CADM2: variants seen among roughly 807,000 people sequenced by gnomAD.
CADM2 encodes the protein cell adhesion molecule 2.
A neutral mutation model predicts 49.8 loss-of-function variants in CADM2; 12 were observed. That is an observed-to-expected ratio of 0.24 (90% CI 0.15 to 0.39). The LOEUF (loss-of-function observed/expected upper bound fraction) is 0.39. Among genes scored for constraint, CADM2 ranks in the 10% least tolerant of loss-of-function variants. The pLI, the probability that CADM2 is intolerant of heterozygous loss-of-function variation, is 1.00. For missense variants in CADM2, 378 were observed against 492.3 expected (o/e 0.77, Z 2.20); for synonymous variants, 214 against 175.4 (o/e 1.22, Z -1.74).
At chr3:84,971,815 A>G (rs1344150207) in intron 1 of CADM2, among the ~76,000 whole-genome samples, 3 of 152,124 alleles carry the variant, frequency 2.0e-5, no homozygotes, top group Non-Finnish European at 4.4e-5. Context: ...AAATTCGATC[A>G]GGCATTAGGG....
At chr3:85,802,622 T>G (rs2108078951) in intron 3 of CADM2, among the ~76,000 whole-genome samples, 1 of 152,248 alleles carries the variant, frequency 6.6e-6, no homozygotes. Flanking sequence ...ATGACTTTGC[T>G]CCGAAACTAA....
intron 1 of CADM2, among the ~76,000 whole-genome samples, chr3:85,014,098 G>T (rs2034135725): frequency 7.2e-6 from 1 of 139,464 alleles, no homozygotes; most frequent in African/African-American, 2.7e-5. Context: ...GTGTAAAATT[G>T]TATATTATAT....
At chr3:84,972,119 G>A (rs970870798) in intron 1 of CADM2, among the ~76,000 whole-genome samples, 2 of 152,202 alleles carry the variant, frequency 1.3e-5, no homozygotes, top group East Asian at 1.9e-4. Flanking sequence ...CAGGCAAGCC[G>A]TGTCACGGTC....
At chr3:85,767,152 T>C (rs931984978) in intron 2 of CADM2, among the ~76,000 whole-genome samples, 1 of 152,184 alleles carries the variant, frequency 6.6e-6, no homozygotes, top group Admixed American at 6.5e-5. Flanking sequence ...ACATTCCTAA[T>C]TGTCTTATTT....
chr3:85,750,211 C>G (rs1577223688), intron 2 of CADM2, among the ~76,000 whole-genome samples: 1 of 151,932 alleles, frequency 6.6e-6, no homozygotes, highest in Non-Finnish European at 1.5e-5. Context: ...TAGTAATTTT[C>G]TCACCAACTC....
chr3:85,118,872 C>A (rs999583054), intron 1 of CADM2, among the ~76,000 whole-genome samples: 26 of 152,142 alleles, frequency 1.7e-4, no homozygotes, highest in African/African-American at 6.3e-4. Context: ...GCCTCAGCCT[C>A]CTGAGTAGCT....
At chr3:85,343,399 A>C (rs1429208657) in intron 1 of CADM2, among the ~76,000 whole-genome samples, 3 of 152,004 alleles carry the variant, frequency 2.0e-5, no homozygotes, top group Non-Finnish European at 4.4e-5. Flanking sequence ...CTCTCGCTTA[A>C]CTCCCATTCT....
intron 1 of CADM2, among the ~76,000 whole-genome samples, chr3:85,495,849 G>A (rs1329245760): frequency 6.6e-6 from 1 of 151,984 alleles, no homozygotes; most frequent in Non-Finnish European, 1.5e-5. Flanking sequence ...CATTCATGAG[G>A]GATCCATCCT....
intron 3 of CADM2, among the ~76,000 whole-genome samples, chr3:85,862,899 T>G (rs1242981329): frequency 2.0e-5 from 3 of 152,168 alleles, no homozygotes; most frequent in Non-Finnish European, 4.4e-5. Context: ...AACTCAAATT[T>G]TTTTTTACCT....
chr3:86,058,930 C>G (rs879344314), intron 8 of CADM2, among the ~76,000 whole-genome samples: 7 of 151,742 alleles, frequency 4.6e-5, no homozygotes, highest in Non-Finnish European at 7.4e-5. Flanking sequence ...CCTGTCTCCA[C>G]TAAAAATACC....
intron 2 of CADM2, among the ~76,000 whole-genome samples, chr3:85,788,817 A>C (rs192441645): frequency 4.6e-4 from 70 of 152,144 alleles, no homozygotes; most frequent in Admixed American, 4.5e-3. Flanking sequence ...TATTTGAAAA[A>C]ATTCTGTATT....
intron 6 of CADM2, among the ~76,000 whole-genome samples, chr3:85,930,418 A>G (rs979262602): frequency 1.3e-5 from 2 of 152,128 alleles, no homozygotes; most frequent in African/African-American, 2.4e-5. Flanking sequence ...TGGGTTATCT[A>G]TCCCCTCAAG....
intron 1 of CADM2, among the ~76,000 whole-genome samples, chr3:85,098,513 CTG>C (rs2107538856): frequency 6.6e-6 from 1 of 152,232 alleles, no homozygotes; most frequent in African/African-American, 2.4e-5. Context: ...CTATTATAGA[CTG>C]AATTTGGATG....
At chr3:86,035,338 A>T (rs1401453976) in intron 8 of CADM2, among the ~76,000 whole-genome samples, 3 of 151,988 alleles carry the variant, frequency 2.0e-5, no homozygotes, top group African/African-American at 7.2e-5. Context: ...TTAAAATCCA[A>T]GAAATATTTC....
chr3:85,039,365 T>C (rs1032696439), intron 1 of CADM2, among the ~76,000 whole-genome samples: 2 of 108,730 alleles, frequency 1.8e-5, no homozygotes, highest in Non-Finnish European at 4.0e-5. Flanking sequence ...TCTAAGATAA[T>C]GTATTTTTTT....
chr3:85,984,999 G>A (rs2108681110), intron 8 of CADM2, among the ~76,000 whole-genome samples: 1 of 151,932 alleles, frequency 6.6e-6, no homozygotes, highest in South Asian at 2.1e-4. Context: ...AAAATATCTA[G>A]AACTAGAGTT....
At chr3:85,161,643 G>A (rs1485855894) in intron 1 of CADM2, among the ~76,000 whole-genome samples, 3 of 152,144 alleles carry the variant, frequency 2.0e-5, no homozygotes, top group East Asian at 1.9e-4. Flanking sequence ...AAGAGAAGAC[G>A]TGAGAAAATA....
At chr3:85,042,240 T>C (rs1039192446) in intron 1 of CADM2, among the ~76,000 whole-genome samples, 1 of 152,190 alleles carries the variant, frequency 6.6e-6, no homozygotes, top group Non-Finnish European at 1.5e-5. Context: ...GCTTTCTTTT[T>C]GAGAACAACA....
chr3:85,311,668 G>A (rs1468085985), intron 1 of CADM2, among the ~76,000 whole-genome samples: 4 of 152,010 alleles, frequency 2.6e-5, no homozygotes, highest in East Asian at 1.9e-4. Context: ...GAGCCACCAC[G>A]CCCGGCCGCA....
Sources: gnomAD v4.1 joint callset for allele counts (sites outside exome capture counted in the v4.1 genomes callset) on GRCh38, gnomAD v4.1.1 for gene constraint, MANE v1.5 for transcripts, NCBI Gene and HGNC (gene_info 2026-07-23, HGNC 2026-07-21) for gene names.